GLIS3: variants seen among roughly 807,000 people sequenced by gnomAD.
GLIS3 encodes the protein GLIS family zinc finger 3, also known as zinc finger protein GLIS3.
GLIS3 carries 53 observed loss-of-function variants against 78.6 expected under a neutral mutation model. The observed-to-expected ratio is 0.67, with a 90% CI of 0.54 to 0.85. The LOEUF is 0.85. Among genes scored for constraint, GLIS3 ranks in the 40% least tolerant of loss-of-function variants. GLIS3 has a pLI of 0.00. For missense variants in GLIS3, 1,703 were observed against 1,231.1 expected (o/e 1.38, Z -5.74); for synonymous variants, 684 against 509.9 (o/e 1.34, Z -4.60).
At chr9:4,389,291 T>A in the GLIS3 span, among the ~76,000 whole-genome samples, 33 of 152,350 alleles carry the variant, frequency 2.2e-4, 1 homozygote, top group African/African-American at 7.7e-4. Flanking sequence ...TCTGCTACCC[T>A]GCCTTCATCT....
chr9:3,829,310 C>A lies in GLIS3; in HGVS notation c.2656G>T (p.Val886Leu), dbSNP rs1427072139. ...RAFSTHSGITVYDLPSSSSSL... is the reference protein window; with the variant it reads ...RAFSTHSGITLYDLPSSSSSL... ...TCTAAGTCACAGACAACCAACACAC[C>A]TGTAATGCCCGAGTGAGTCGAGAAG... Residue 886 changes from valine to leucine, a missense_variant and splice_region_variant, in exon 10 of 11, where the codon GTG (valine) becomes TTG (leucine). Val to Leu is a conservative substitution (Grantham distance 32, BLOSUM62 1). Transcript: ENST00000381971. The A allele has an allele frequency of 6.2e-7, 1 of 1,613,796 alleles. No individual in the cohort carries two copies.
chr9:3,960,173 C>T (rs1458925403), intron 4 of GLIS3, among the ~76,000 whole-genome samples: 2 of 152,106 alleles, frequency 1.3e-5, no homozygotes, highest in Non-Finnish European at 2.9e-5. Flanking sequence ...CAGAGACACA[C>T]ACAGAGGGAA....
chr9:4,195,211 C>G (rs536609917), intron 2 of GLIS3, among the ~76,000 whole-genome samples: 1 of 152,216 alleles, frequency 6.6e-6, no homozygotes, highest in Admixed American at 6.5e-5. Context: ...CTTGAGGAGC[C>G]CTTCAGCCCA....
intron 4 of GLIS3, among the ~76,000 whole-genome samples, chr9:4,005,223 T>G (rs1821447209): frequency 6.6e-6 from 1 of 152,230 alleles, no homozygotes; most frequent in Non-Finnish European, 1.5e-5. Flanking sequence ...GGGCAGGCAA[T>G]TTGGCAATGC....
chr9:4,462,594 AACACACACAC>A, the GLIS3 span, among the ~76,000 whole-genome samples: 30,685 of 144,742 alleles, frequency 0.21, 3,373 homozygotes, highest in Admixed American at 0.28. Flanking sequence ...CCATCTCTAT[AACACACACAC>A]ACACACACAC....
intron 4 of GLIS3, among the ~76,000 whole-genome samples, chr9:3,954,169 C>T (rs1299352361): frequency 6.6e-6 from 1 of 152,090 alleles, no homozygotes; most frequent in Non-Finnish European, 1.5e-5. Context: ...TTGATTTTTC[C>T]CATCTCTATT....
chr9:3,825,582 G>C lies in GLIS3; in HGVS notation c.*2690C>G, dbSNP rs1427561618. 1 of 152,120 alleles carries C rather than the reference G, an allele frequency of 6.6e-6. No individual in the cohort carries two copies. The highest frequency in any genetic ancestry group is 1.5e-5 in the Non-Finnish European group (1 of 68,032). The allele number at this position is 152,120 out of a possible 1,614,324, so 9.4% of individuals were successfully genotyped here. On this transcript the variant is annotated 3_prime_UTR_variant, in exon 11 of 11. Transcript: ENST00000381971. ...ACATATCAAGACTTAAAAAGACCAG[G>C]ACATGAAAGGGAATGATTTTTTTGA...
At chr9:4,033,041 G>C (rs995549592) in intron 4 of GLIS3, among the ~76,000 whole-genome samples, 3 of 151,958 alleles carry the variant, frequency 2.0e-5, no homozygotes, top group African/African-American at 7.3e-5. Flanking sequence ...TTTTAGTAGA[G>C]ACGGGGTTTC....
At chr9:4,234,628 C>T (rs1038866703) in intron 2 of GLIS3, among the ~76,000 whole-genome samples, 1 of 152,130 alleles carries the variant, frequency 6.6e-6, no homozygotes, top group African/African-American at 2.4e-5. Flanking sequence ...AAATGTGACA[C>T]AGAGACATGA....
intron 4 of GLIS3, among the ~76,000 whole-genome samples, chr9:3,987,472 C>T (rs1315590915): frequency 3.3e-5 from 5 of 151,678 alleles, no homozygotes; most frequent in Non-Finnish European, 5.9e-5. Context: ...GAGGCCAAGG[C>T]GGGTGGATCA....
At chr9:4,216,436 C>T (rs539628403) in intron 2 of GLIS3, among the ~76,000 whole-genome samples, 80 of 146,928 alleles carry the variant, frequency 5.4e-4, no homozygotes, top group African/African-American at 2.0e-3. Flanking sequence ...GCTGAGATTG[C>T]GCCACTGCAC....
intron 2 of GLIS3, among the ~76,000 whole-genome samples, chr9:4,214,241 C>T (rs752818446): frequency 1.2e-4 from 18 of 152,254 alleles, no homozygotes; most frequent in Middle Eastern, 3.4e-3. Flanking sequence ...CTTTCAAGTG[C>T]GCATTTTTGT....
At chr9:4,072,077 C>T (rs924762436) in intron 4 of GLIS3, among the ~76,000 whole-genome samples, 1 of 152,142 alleles carries the variant, frequency 6.6e-6, no homozygotes, top group African/African-American at 2.4e-5. Flanking sequence ...CTAAAGAAGT[C>T]CAGGCAAAGC....
chr9:4,038,748 A>G (rs1341278379), intron 4 of GLIS3, among the ~76,000 whole-genome samples: 1 of 152,168 alleles, frequency 6.6e-6, no homozygotes, highest in Non-Finnish European at 1.5e-5. Flanking sequence ...TGTTTTCTTC[A>G]AAGTTTACAT....
intron 2 of GLIS3, among the ~76,000 whole-genome samples, chr9:4,187,459 G>GAA (rs1230580533): frequency 2.0e-5 from 3 of 152,108 alleles, no homozygotes; most frequent in African/African-American, 7.2e-5. Context: ...TTTTGGCTTA[G>GAA]GATTGACTTG....
chr9:4,405,563 A>G, the GLIS3 span, among the ~76,000 whole-genome samples: 1 of 152,158 alleles, frequency 6.6e-6, no homozygotes, highest in Non-Finnish European at 1.5e-5. Flanking sequence ...ATAACAAGTA[A>G]CAATATTGAG....
intron 4 of GLIS3, among the ~76,000 whole-genome samples, chr9:3,967,143 C>T (rs1479258546): frequency 2.0e-5 from 3 of 150,984 alleles, no homozygotes; most frequent in Non-Finnish European, 4.4e-5. Context: ...ATCTGCCATA[C>T]ACCTGGCCAA....
In GLIS3 at chr9:4,308,593, G is replaced by C. The variant is rs564956225; in HGVS notation, n.584+184C>G. The stretch of plus-strand genomic sequence containing the variant: ...TGCCTCTTCCTTGCAGTGGCTCTCA[G>C]TGCTGGGTTCTCCTTAGAATACCCA... On this transcript the variant is annotated intron_variant and non_coding_transcript_variant, in intron 4 of 4. Coordinates refer to the GLIS3 transcript ENST00000471664. Among the ~76,000 whole-genome samples, 10 of 152,190 alleles carry C rather than the reference G, an allele frequency of 6.6e-5. No homozygotes were observed. In the East Asian group the frequency reaches 1.9e-3, roughly 29 times the overall value.
chr9:4,016,710 C>T (rs1011639257), intron 4 of GLIS3, among the ~76,000 whole-genome samples: 23 of 151,570 alleles, frequency 1.5e-4, no homozygotes, highest in African/African-American at 5.5e-4. Flanking sequence ...AACACTCCTC[C>T]ACATGGATGC....
Sources: allele counts gnomAD v4.1 joint callset (sites outside exome capture counted in the v4.1 genomes callset), GRCh38; gene constraint gnomAD v4.1.1; transcripts MANE v1.5; gene names NCBI Gene and HGNC (gene_info 2026-07-23, HGNC 2026-07-21).